Variants in GRM5 observed in about 807,000 individuals in gnomAD.
GRM5 encodes metabotropic glutamate receptor 5.
GRM5 carries 19 observed loss-of-function variants against 83.1 expected under a neutral mutation model. That is an observed-to-expected ratio of 0.23 (90% confidence interval 0.16 to 0.34). The LOEUF (loss-of-function observed/expected upper bound fraction) is 0.34. Ranked by LOEUF, GRM5 falls within the 10% of genes least tolerant of loss-of-function variation. The probability of loss-of-function intolerance (pLI) is 1.00; values close to 1 mark genes in which losing one functional copy is unlikely to be tolerated. For missense variants in GRM5, 1,160 were observed against 1,588.3 expected, an observed-to-expected ratio of 0.73 and a Z score of 4.58; for synonymous variants, 675 against 633.6, an observed-to-expected ratio of 1.07 and a Z score of -0.98.
intron 3 of GRM5, among the ~76,000 whole-genome samples, chr11:88,750,083 A>G (rs1467434005): frequency 1.3e-5 from 2 of 152,188 alleles, no homozygotes; most frequent in Non-Finnish European, 2.9e-5. Flanking sequence ...ATTCACATAT[A>G]TCAATACTAA....
At chr11:89,012,467 T>C (rs1940729110) in intron 2 of GRM5, among the ~76,000 whole-genome samples, 2 of 152,320 alleles carry the variant, frequency 1.3e-5, no homozygotes, top group Non-Finnish European at 1.5e-5. Context: ...AGAGTCTATT[T>C]GGTCATCTTT....
chr11:88,848,164 G>A (rs1460810191), intron 3 of GRM5, among the ~76,000 whole-genome samples: 2 of 152,090 alleles, frequency 1.3e-5, no homozygotes, highest in African/African-American at 2.4e-5. Context: ...TTGGCAGTTG[G>A]CATGTTTGTG....
chr11:88,995,383 A>G (rs924048931), intron 2 of GRM5, among the ~76,000 whole-genome samples: 5 of 151,692 alleles, frequency 3.3e-5, no homozygotes, highest in African/African-American at 1.2e-4. Context: ...CATCTCTACT[A>G]AAATACAAAA....
intron 3 of GRM5, among the ~76,000 whole-genome samples, chr11:88,663,242 A>C (rs1939952149): frequency 6.6e-6 from 1 of 152,174 alleles, no homozygotes; most frequent in African/African-American, 2.4e-5. Flanking sequence ...AAAACCTATT[A>C]GAATAGTTGG....
intron 3 of GRM5, among the ~76,000 whole-genome samples, chr11:88,723,344 T>C (rs772118688): frequency 3.9e-5 from 6 of 152,160 alleles, no homozygotes; most frequent in Admixed American, 6.6e-5. Context: ...TACATATTTA[T>C]GTGTAGGTTT....
chr11:88,630,056 T>C (rs930006693), intron 4 of GRM5, among the ~76,000 whole-genome samples: 1 of 152,116 alleles, frequency 6.6e-6, no homozygotes, highest in Non-Finnish European at 1.5e-5. Context: ...GTGATTTCCT[T>C]CTCCTGAAAT....
At chr11:88,599,181 T>C (rs1937906168) in intron 5 of GRM5, among the ~76,000 whole-genome samples, 1 of 152,254 alleles carries the variant, frequency 6.6e-6, no homozygotes, top group African/African-American at 2.4e-5. Flanking sequence ...TTGTTTTATG[T>C]ATGACAAATA....
chr11:88,562,438 C>T (rs1159994093), intron 8 of GRM5, among the ~76,000 whole-genome samples: 1 of 152,056 alleles, frequency 6.6e-6, no homozygotes, highest in Non-Finnish European at 1.5e-5. Flanking sequence ...AATTTCCCAT[C>T]TGAAAAATGG....
chr11:88,749,233 G>T (rs558064519), intron 3 of GRM5, among the ~76,000 whole-genome samples: 2 of 152,252 alleles, frequency 1.3e-5, no homozygotes, highest in East Asian at 3.9e-4. Flanking sequence ...AGAATGGCCA[G>T]TTTAGAGAGA....
intron 2 of GRM5, among the ~76,000 whole-genome samples, chr11:88,862,829 A>G (rs1182253487): frequency 2.6e-5 from 4 of 152,138 alleles, no homozygotes; most frequent in Non-Finnish European, 5.9e-5. Context: ...CAAACAGACC[A>G]TCTACAGAAT....
chr11:88,909,718 C>A (rs1945463548), intron 2 of GRM5, among the ~76,000 whole-genome samples: 1 of 152,038 alleles, frequency 6.6e-6, no homozygotes, highest in Admixed American at 6.6e-5. Context: ...ATCTCTATAA[C>A]CCCAGTTACC....
intron 3 of GRM5, among the ~76,000 whole-genome samples, chr11:88,822,822 C>T (rs1038382612): frequency 4.6e-5 from 7 of 151,748 alleles, no homozygotes; most frequent in Admixed American, 6.6e-5. Context: ...TCTCCCTCCC[C>T]TTTTGTCGCC....
At chr11:88,899,313 T>C (rs1945281663) in intron 2 of GRM5, among the ~76,000 whole-genome samples, 1 of 151,922 alleles carries the variant, frequency 6.6e-6, no homozygotes, top group Non-Finnish European at 1.5e-5. Flanking sequence ...TCCATCAATC[T>C]CTGTTAAATT....
intron 3 of GRM5, among the ~76,000 whole-genome samples, chr11:88,691,570 T>C (rs1940781233): frequency 6.6e-6 from 1 of 152,170 alleles, no homozygotes; most frequent in Admixed American, 6.6e-5. Context: ...TCACCTTCTC[T>C]TTGCTATGTC....
intron 2 of GRM5, among the ~76,000 whole-genome samples, chr11:88,972,069 C>T (rs973496622): frequency 1.3e-5 from 2 of 152,102 alleles, no homozygotes; most frequent in Non-Finnish European, 2.9e-5. Context: ...TCTTAAAGTT[C>T]CCCTTGATCA....
intron 8 of GRM5, among the ~76,000 whole-genome samples, chr11:88,553,122 C>T (rs1045153090): frequency 3.3e-5 from 5 of 152,184 alleles, no homozygotes; most frequent in Non-Finnish European, 7.4e-5. Context: ...TAGATTAAGA[C>T]AAGTCCTGAA....
chr11:88,703,385 G>GGGTT, intron 3 of GRM5, among the ~76,000 whole-genome samples: 1 of 47,916 alleles, frequency 2.1e-5, no homozygotes, highest in South Asian at 1.3e-3. Flanking sequence ...GGACACCTGA[G>GGGTT]GGATGGTATG....
chr11:88,524,774 C>A (rs1427992994), intron 9 of GRM5, among the ~76,000 whole-genome samples: 2 of 152,174 alleles, frequency 1.3e-5, no homozygotes, highest in African/African-American at 2.4e-5. Flanking sequence ...AGAAAAGCCA[C>A]TTGTCTCTAC....
chr11:88,837,278 T>C (rs910697830), intron 3 of GRM5, among the ~76,000 whole-genome samples: 1 of 152,202 alleles, frequency 6.6e-6, no homozygotes, highest in Non-Finnish European at 1.5e-5. Flanking sequence ...CAGAATGGTT[T>C]AGGATACAGG....
Sources: allele counts gnomAD v4.1 joint callset (sites outside exome capture counted in the v4.1 genomes callset), GRCh38; gene constraint gnomAD v4.1.1; transcripts MANE v1.5; gene names NCBI Gene and HGNC (gene_info 2026-07-23, HGNC 2026-07-21).